GASK1A: variants seen among roughly 807,000 people sequenced by gnomAD.
GASK1A encodes the protein Golgi-associated kinase 1A.
Under a neutral mutation model 41.2 loss-of-function variants are expected in GASK1A, and 40 were observed. The ratio of observed to expected loss-of-function variants is 0.97; its 90% CI spans 0.75 to 1.27. The LOEUF is 1.27. Ranked by LOEUF, GASK1A falls within the 50% of genes most tolerant of loss-of-function variation. GASK1A has a pLI of 0.00. For missense variants in GASK1A, 678 were observed against 745.1 expected (o/e 0.91, Z 1.05); for synonymous variants, 316 against 307.1 (o/e 1.03, Z -0.30).
intron 1 of GASK1A, 64 bp from the exon 2 acceptor site, chr3:43,032,203 G>T: frequency 7.6e-7 from 1 of 1,310,278 alleles, no homozygotes; most frequent in South Asian, 1.6e-5. Flanking sequence ...CATCCCCATT[G>T]TTTTGTGGGT....
chr3:43,016,221 A>G, intron 1 of GASK1A, among the ~76,000 whole-genome samples: 1 of 148,324 alleles, frequency 6.7e-6, no homozygotes, highest in East Asian at 2.1e-4. Context: ...TCTCAGGTAG[A>G]GGCTGTGTGA....
intron 1 of GASK1A, among the ~76,000 whole-genome samples, chr3:43,001,478 C>T (rs954633504): frequency 1.3e-5 from 2 of 152,248 alleles, no homozygotes; most frequent in African/African-American, 2.4e-5. Context: ...CTGTGCTCAG[C>T]AGGCTTATGC....
At chr3:43,045,756 G>A (rs891014838) in intron 2 of GASK1A, among the ~76,000 whole-genome samples, 2 of 152,204 alleles carry the variant, frequency 1.3e-5, no homozygotes, top group African/African-American at 4.8e-5. Flanking sequence ...TGTCAAGGAA[G>A]AGACCAGGTG....
chr3:42,984,525 T>C lies in GASK1A; in HGVS notation c.3+4880T>C, dbSNP rs906676561. 5.1e-4 allele frequency among the ~76,000 whole-genome samples: 77 copies of C among 151,948 alleles called. No individual in the cohort carries two copies. Among genetic ancestry groups the C allele is most frequent in the African/African-American group, 1.8e-3 (74 of 41,344 alleles). ...GTGCTTTATAATAGCATCTGGTGAA[T>C]CCTGGGGTCAAGGAGGCTAAGAGTG... On this transcript the variant is annotated intron_variant, in intron 1 of 4. Coordinates refer to ENST00000430121, the MANE Select transcript of GASK1A (RefSeq NM_001129908.3). The surrounding 1 kb of genome is among the most constrained non-coding windows in gnomAD (Gnocchi z 4.2).
At chr3:42,980,115 A>G (rs1239711412) in intron 1 of GASK1A, among the ~76,000 whole-genome samples, 5 of 152,204 alleles carry the variant, frequency 3.3e-5, no homozygotes, top group African/African-American at 4.8e-5. Context: ...TTAACATTTA[A>G]TAACTAAATT....
chr3:43,008,861 C>T (rs1309856354), intron 1 of GASK1A, among the ~76,000 whole-genome samples: 2 of 152,180 alleles, frequency 1.3e-5, no homozygotes, highest in Admixed American at 6.5e-5. Context: ...TTATGGTTTG[C>T]CAGTGTTCAG....
intron 1 of GASK1A, among the ~76,000 whole-genome samples, chr3:43,022,176 CTT>C (rs1414326970): frequency 2.6e-5 from 4 of 152,176 alleles, no homozygotes; most frequent in Non-Finnish European, 4.4e-5. Flanking sequence ...CTAATGTACT[CTT>C]TATTATTCAG....
chr3:43,011,252 T>G (rs1165542055), intron 1 of GASK1A, among the ~76,000 whole-genome samples: 5 of 151,806 alleles, frequency 3.3e-5, no homozygotes. Context: ...TGTGGTGGCG[T>G]GCGCCTGTAG....
intron 2 of GASK1A, among the ~76,000 whole-genome samples, chr3:43,036,161 A>G (rs1373489818): frequency 6.6e-6 from 1 of 152,228 alleles, no homozygotes; most frequent in African/African-American, 2.4e-5. Context: ...TGTGGGGACA[A>G]GTCTCTGTAG....
chr3:43,039,084 G>T, intron 2 of GASK1A, among the ~76,000 whole-genome samples: 1 of 146,390 alleles, frequency 6.8e-6, no homozygotes. Context: ...CTGTTTAAAA[G>T]CATTTTAAAA....
At chr3:43,004,056 G>A (rs1360963969) in intron 1 of GASK1A, among the ~76,000 whole-genome samples, 2 of 152,180 alleles carry the variant, frequency 1.3e-5, no homozygotes, top group Admixed American at 6.5e-5. Flanking sequence ...TGCTCTCTGA[G>A]AGCCTGGATT....
chr3:42,995,243 A>AT, intron 1 of GASK1A, among the ~76,000 whole-genome samples: 1 of 152,230 alleles, frequency 6.6e-6, no homozygotes. Context: ...AAGAAAAACA[A>AT]TAAGGCAAAT....
In GASK1A at chr3:43,032,684, G is replaced by A. The variant is rs1451380674; in HGVS notation, c.421G>A (p.Asp141Asn). The change falls in exon 2 of 5, where the codon GAT becomes AAT. Residue 141 changes from aspartate to asparagine, a missense_variant. Transcript: ENST00000430121. The stretch of plus-strand genomic sequence containing the variant: ...TCAGCATGTTGTGCTCCTGAGGGAG[G>A]ATGAGGTTGGAGATCCAGGAACCAA... The part of the protein sequence containing the change: ...STQHVVLLRE[D>N]EVGDPGTKDL... 3.2e-6 allele frequency: 5 copies of A among 1,551,704 alleles called. No homozygotes were observed. The highest frequency in any genetic ancestry group is 2.4e-5 in the East Asian group (1 of 40,904).
chr3:43,029,248 A>G (rs773174944), intron 1 of GASK1A, among the ~76,000 whole-genome samples: 1 of 151,290 alleles, frequency 6.6e-6, no homozygotes, highest in Non-Finnish European at 1.5e-5. Context: ...TCATGGTCTC[A>G]CTGTTCAGGC....
At chr3:43,007,576 G>A (rs760138811) in intron 1 of GASK1A, among the ~76,000 whole-genome samples, 4 of 152,178 alleles carry the variant, frequency 2.6e-5, no homozygotes, top group Non-Finnish European at 5.9e-5. Context: ...GTTTTGACCT[G>A]CCTTCTAGTT....
chr3:43,036,640 A>G (rs952150618), intron 2 of GASK1A, among the ~76,000 whole-genome samples: 5 of 152,240 alleles, frequency 3.3e-5, no homozygotes, highest in South Asian at 2.1e-4. Context: ...TTAAAACACC[A>G]GCTCTTTATT....
Position 43,033,026 on chromosome 3 carries a change from G to A in GASK1A, c.763G>A (p.Gly255Arg), listed in dbSNP as rs770496577. Residue 255 changes from glycine (G) to arginine (R), a missense_variant, in exon 2 of 5, where the codon GGG (glycine) becomes AGG (arginine). Coordinates refer to ENST00000430121, the MANE Select transcript of GASK1A (RefSeq NM_001129908.3). ...GCTGTTGAGCAGCTCGAGGACTGGT[G>A]GGCAGGCTCCCCCATGGCTGACAGA... Reference protein sequence around the residue: ...ETLLSSSRTGGQAPPWLTDHD... With the variant: ...ETLLSSSRTGRQAPPWLTDHD... 6.4e-7 allele frequency: 1 copy of A among 1,551,734 alleles called. No homozygotes were observed. Among genetic ancestry groups the A allele is most frequent in the South Asian group, 1.2e-5 (1 of 84,070 alleles).
In GASK1A at chr3:43,056,192, G is replaced by A. The variant is rs375211654; in HGVS notation, c.1534G>A (p.Val512Met). Residue 512 changes from valine to methionine, a missense_variant, in exon 5 of 5, where the codon GTG (valine) becomes ATG (methionine). By Grantham distance (21) the Val-to-Met change is conservative. Transcript: ENST00000430121. ...TTGCTCCAGGTTTCCTGAGTCTGCC[G>A]TGAAGGTTCTCGCATCAGGGTGTCT... ...EGIDGFPESA[V>M]KVLASGCLQN... The A allele has an allele frequency of 2.3e-5, 36 of 1,551,000 alleles. No individual in the cohort carries two copies. The African/African-American group carries it at 2.5e-4, about 11-fold the overall frequency.
At chr3:43,047,011 C>G (rs181231068) in intron 2 of GASK1A, among the ~76,000 whole-genome samples, 1 of 152,246 alleles carries the variant, frequency 6.6e-6, no homozygotes, top group Non-Finnish European at 1.5e-5. Context: ...CAGAAGTCTG[C>G]TGAAGGGGTG....
Sources: allele counts gnomAD v4.1 joint callset (sites outside exome capture counted in the v4.1 genomes callset), GRCh38; gene constraint gnomAD v4.1.1; non-coding constraint Gnocchi (gnomAD v3.1); transcripts MANE v1.5; gene names NCBI Gene and HGNC (gene_info 2026-07-23, HGNC 2026-07-21).